The following SRP68 variants were observed in gnomAD, a reference collection of about 807,000 sequenced individuals.
SRP68 encodes signal recognition particle subunit SRP68.
Under a neutral mutation model 82.2 loss-of-function variants are expected in SRP68, and 15 were observed. The ratio of observed to expected loss-of-function variants is 0.18; its 90% confidence interval spans 0.12 to 0.28. The LOEUF is 0.28. Among genes scored for constraint, SRP68 ranks in the 10% least tolerant of loss-of-function variants. The pLI is 1.00. For missense variants in SRP68, 595 were observed against 780.5 expected, an observed-to-expected ratio of 0.76 and a Z score of 2.83; for synonymous variants, 261 against 292.6, an observed-to-expected ratio of 0.89 and a Z score of 1.10.
chr17:76,060,125 CAAAAAAAA>C lies in SRP68; in HGVS notation c.837+175_837+182del, dbSNP rs1168111688. 2.8e-4 allele frequency among the ~76,000 whole-genome samples: 8 copies of C among 28,790 alleles called. No individual in the cohort carries two copies. The East Asian group carries it at 0.012, about 44-fold the overall frequency. The allele number at this position is 28,790 out of a possible 152,430, so 18.9% of individuals were successfully genotyped here. ...TGGGTGACAGAGCGAGACTCCATCT[CAAAAAAAA>C]AAAAAAAAAAAAAAAAAGAAAAAGT... On this transcript the variant is annotated intron_variant, in intron 7 of 15. Transcript: ENST00000307877.
chr17:76,070,168 G>A (rs2066838600), intron 2 of SRP68, among the ~76,000 whole-genome samples: 1 of 132,106 alleles, frequency 7.6e-6, no homozygotes, highest in Admixed American at 8.8e-5. Context: ...AGGTTGCAGT[G>A]AGCCAACATT....
At chr17:76,067,386 T>C in intron 2 of SRP68, 56 bp from the exon 3 acceptor site, 4 of 1,319,700 alleles carry the variant, frequency 3.0e-6, no homozygotes, top group Non-Finnish European at 4.3e-6. Context: ...TTTTGAATAA[T>C]AAATTCTGCA....
intron 12 of SRP68, chr17:76,045,031 C>T (rs990098720): frequency 4.1e-5 from 13 of 318,462 alleles, no homozygotes; most frequent in African/African-American, 8.7e-5. Context: ...TGTGAGCCAC[C>T]GCGCCCAGCG....
intron 3 of SRP68, among the ~76,000 whole-genome samples, chr17:76,066,246 G>A (rs1375073067): frequency 6.6e-6 from 1 of 152,088 alleles, no homozygotes; most frequent in Non-Finnish European, 1.5e-5. Flanking sequence ...GAGGTCAGGA[G>A]TTCAAGACAA....
chr17:76,041,372 C>T (rs115526998), intron 13 of SRP68: 1,797 of 157,734 alleles, frequency 0.011, 27 homozygotes, highest in African/African-American at 0.04. Flanking sequence ...CAGCCATGCG[C>T]CCAAGTGGCA....
Position 76,057,538 on chromosome 17 carries a change from C to G in SRP68, c.843G>C (p.Leu281Phe), listed in dbSNP as rs1213843818. 1.2e-6 allele frequency: 2 copies of G among 1,613,960 alleles called. No homozygotes were observed. The highest frequency in any genetic ancestry group is 1.7e-6 in the Non-Finnish European group (2 of 1,179,998). ...EGLLAEKLEA[L>F]ITQTRAKQAA... ...CCTGTTTGGCTCGAGTCTGAGTGAT[C>G]AAAGCCTGAAAAATAGTTTAAAAAA... Residue 281 changes from leucine to phenylalanine, a missense_variant, in exon 8 of 16, where the codon TTG becomes TTC. This residue lies in a region of SRP68 where 495 missense variants were observed against 688.6 expected (regional missense o/e 0.72). Coordinates refer to ENST00000307877, the MANE Select transcript of SRP68 (RefSeq NM_014230.4).
chr17:76,070,030 T>A lies in SRP68; in HGVS notation c.251+348A>T, dbSNP rs565907323. ...AGGCATGGGCTGCAGTGAGCCAGGA[T>A]TGCGCCACTACACTCCAGCCTGGGT... On this transcript the variant is annotated intron_variant, in intron 2 of 15. Coordinates refer to ENST00000307877, the MANE Select transcript of SRP68 (RefSeq NM_014230.4). Among the ~76,000 whole-genome samples the A allele has an allele frequency of 4.6e-5, 7 of 151,856 alleles. No individual in the cohort carries two copies. The East Asian group carries it at 9.7e-4, about 21-fold the overall frequency.
In SRP68 at chr17:76,069,377, G is replaced by A. The variant is rs117518381; in HGVS notation, c.251+1001C>T. Among the ~76,000 whole-genome samples the A allele has an allele frequency of 4.7e-3, 706 of 151,454 alleles. 1 individual carries two copies. The highest frequency in any genetic ancestry group is 7.5e-3 in the Non-Finnish European group (510 of 67,904). On this transcript the variant is annotated intron_variant, in intron 2 of 15. Transcript: ENST00000307877. ...CATTCCAGACTGGGTGACAGACAAA[G>A]ACTCTGTCTCAAAAAAATAAGTAAA...
chr17:76,049,503 T>C (rs550028447), intron 9 of SRP68: 11 of 152,260 alleles, frequency 7.2e-5, no homozygotes, highest in Non-Finnish European at 1.2e-4. Context: ...GTGGAACAGC[T>C]TGAGGCAGAG....
intron 8 of SRP68, among the ~76,000 whole-genome samples, chr17:76,054,793 G>A (rs1201138075): frequency 2.0e-5 from 3 of 151,664 alleles, no homozygotes; most frequent in African/African-American, 4.8e-5. Context: ...ATTGCACAAC[G>A]CGTTAATAAA....
At chr17:76,070,853 C>G (rs1200770297) in intron 1 of SRP68, among the ~76,000 whole-genome samples, 15 of 122,626 alleles carry the variant, frequency 1.2e-4, no homozygotes, top group Admixed American at 1.1e-3. Context: ...TGCACATGCA[C>G]ACACACACAC....
chr17:76,070,232 A>AAAAAC lies in SRP68; in HGVS notation c.251+145_251+146insGTTTT, dbSNP rs1555630207. ...AGCGAGACTCCATCTCAAAAAAAAA[A>AAAAAC]AAAAAAACAAAGCAAACAAACAAAC... On this transcript the variant is annotated intron_variant, in intron 2 of 15. Coordinates refer to ENST00000307877, the MANE Select transcript of SRP68 (RefSeq NM_014230.4). 1.4e-4 allele frequency: 99 copies of AAAAAC among 698,624 alleles called. 1 individual carries two copies. Among genetic ancestry groups the AAAAAC allele is most frequent in the Non-Finnish European group, 2.0e-4 (84 of 426,370 alleles). The allele number at this position is 698,624 out of a possible 1,614,324, so 43.3% of individuals were successfully genotyped here.
intron 12 of SRP68, among the ~76,000 whole-genome samples, chr17:76,044,341 G>A (rs1434762934): frequency 1.3e-5 from 2 of 152,156 alleles, no homozygotes; most frequent in East Asian, 1.9e-4. Context: ...TCTGCTCATC[G>A]CTTTCCAAAA....
At chr17:76,045,664 C>T (rs563862283) in intron 11 of SRP68, among the ~76,000 whole-genome samples, 12 of 152,262 alleles carry the variant, frequency 7.9e-5, no homozygotes, top group Non-Finnish European at 1.0e-4. Context: ...TCTGTTCCAG[C>T]GCTGAGCTTT....
rs780422282 is a variant in SRP68, at chr17:76,039,680, T to TC, written c.*25dup. On this transcript the variant is annotated 3_prime_UTR_variant, in exon 16 of 16. Transcript: ENST00000307877. Reference sequence around the variant, plus strand: ...ACAATACAGATTAAGAGTCAGAATCTCCCCCGCCCCCGAGGAAGAGCCTGG... The same window carrying TC: ...ACAATACAGATTAAGAGTCAGAATCTCCCCCCGCCCCCGAGGAAGAGCCTGG... 7 of 1,600,226 alleles carry TC rather than the reference T, an allele frequency of 4.4e-6. No individual in the cohort carries two copies. The highest frequency in any genetic ancestry group is 6.0e-6 in the Non-Finnish European group (7 of 1,168,358).
chr17:76,045,477 G>GAA, intron 11 of SRP68, 91 bp from the exon 12 acceptor site: 1 of 938,204 alleles, frequency 1.1e-6, no homozygotes, highest in Non-Finnish European at 1.5e-6. Context: ...ACAAGAGTGA[G>GAA]GAAAAAAAAA....
chr17:76,065,875 A>C (rs1478855758), intron 3 of SRP68, among the ~76,000 whole-genome samples: 1 of 151,626 alleles, frequency 6.6e-6, no homozygotes, highest in Non-Finnish European at 1.5e-5. Flanking sequence ...ATGAAAGTCA[A>C]TGAGGTTCAA....
At chr17:76,065,097 C>G (rs931105743) in intron 3 of SRP68, among the ~76,000 whole-genome samples, 1 of 152,082 alleles carries the variant, frequency 6.6e-6, no homozygotes, top group Non-Finnish European at 1.5e-5. Flanking sequence ...CTGCCTTGAT[C>G]AATCTGTCTT....
chr17:76,050,511 T>G lies in SRP68; in HGVS notation c.994A>C (p.Thr332Pro). 6.2e-7 allele frequency: 1 copy of G among 1,613,398 alleles called. No homozygotes were observed. The highest frequency in any genetic ancestry group is 8.5e-7 in the Non-Finnish European group (1 of 1,179,684). The change falls in exon 9 of 16, where the codon ACT becomes CCT. Residue 332 changes from threonine to proline, a missense_variant. Coordinates refer to ENST00000307877, the MANE Select transcript of SRP68 (RefSeq NM_014230.4). Reference protein sequence around the residue: ...AAIVQAESEETKERLFESMLS... With the variant: ...AAIVQAESEEPKERLFESMLS... Reference sequence around the variant, plus strand: ...ATTGATTCAAACAGGCGCTCCTTAGTTTCTTCGCTTTCAGCCTAAACAAGG... The same window carrying G: ...ATTGATTCAAACAGGCGCTCCTTAGGTTCTTCGCTTTCAGCCTAAACAAGG...
Sources: gnomAD v4.1 joint callset for allele counts (sites outside exome capture counted in the v4.1 genomes callset) on GRCh38, gnomAD v4.1.1 for gene constraint, gnomAD v4.1.1 regional missense constraint, MANE v1.5 for transcripts, NCBI Gene and HGNC (gene_info 2026-07-23, HGNC 2026-07-21) for gene names.